The following IL10RB variants were observed in gnomAD, a reference collection of about 807,000 sequenced individuals.
The protein encoded by IL10RB is interleukin 10 receptor subunit beta.
IL10RB carries 30 observed loss-of-function variants against 38.7 expected under a neutral mutation model. The observed-to-expected ratio is 0.78, with a 90% CI of 0.58 to 1.05. IL10RB has a LOEUF of 1.05. Ranked by LOEUF, IL10RB falls within the 50% of genes least tolerant of loss-of-function variation. The pLI, the probability that IL10RB is intolerant of heterozygous loss-of-function variation, is 0.00. For missense variants in IL10RB, 328 were observed against 397.1 expected, an observed-to-expected ratio of 0.83 and a Z score of 1.48; for synonymous variants, 142 against 145.9, an observed-to-expected ratio of 0.97 and a Z score of 0.19.
intron 1 of IL10RB, among the ~76,000 whole-genome samples, chr21:33,305,102 T>C (rs2123615232): frequency 1.3e-5 from 2 of 152,238 alleles, no homozygotes; most frequent in Middle Eastern, 6.8e-3. Flanking sequence ...TGGTTCTAAG[T>C]CTTCAACTGT....
At chr21:33,278,727 T>C (rs1053101140) in intron 3 of IL10RB, among the ~76,000 whole-genome samples, 5 of 152,246 alleles carry the variant, frequency 3.3e-5, no homozygotes, top group Non-Finnish European at 7.3e-5. Context: ...CTATGTATTT[T>C]AGTGATAGGA....
intron 5 of IL10RB, among the ~76,000 whole-genome samples, chr21:33,286,054 C>G (rs377055520): frequency 7.9e-5 from 12 of 152,252 alleles, no homozygotes; most frequent in African/African-American, 2.9e-4. Flanking sequence ...AGATGGGAGG[C>G]CGCCTGCGGG....
chr21:33,282,031 G>T (rs898907684), intron 4 of IL10RB, among the ~76,000 whole-genome samples: 1 of 152,058 alleles, frequency 6.6e-6, no homozygotes, highest in Non-Finnish European at 1.5e-5. Context: ...GGTTTTAGAG[G>T]CACTGGACTT....
In IL10RB at chr21:33,276,723, G is replaced by T. The variant is rs745403526; in HGVS notation, c.301G>T (p.Val101Leu). ...ATTTGCAGATGAGCATTCAGACTGG[G>T]TAAACATCACCTTCTGTCCTGTGGA... ...AEFADEHSDW[V>L]NITFCPVDDT... The change falls in exon 3 of 7, where the codon GTA (valine) becomes TTA (leucine). Residue 101 changes from valine (V) to leucine (L), a missense_variant. Val to Leu is a conservative substitution (Grantham distance 32). Coordinates refer to ENST00000290200, the MANE Select transcript of IL10RB (RefSeq NM_000628.5). 18 of 1,614,074 alleles carry T rather than the reference G, an allele frequency of 1.1e-5. No homozygotes were observed. Among genetic ancestry groups the T allele is most frequent in the Non-Finnish European group, 1.5e-5 (18 of 1,179,948 alleles).
intron 1 of IL10RB, among the ~76,000 whole-genome samples, chr21:33,306,194 G>C (rs2082998541): frequency 6.6e-6 from 1 of 152,144 alleles, no homozygotes; most frequent in African/African-American, 2.4e-5. Flanking sequence ...GAGAAGAATG[G>C]ATCTGGAGAG....
chr21:33,266,599 G>C (rs1336259599), intron 1 of IL10RB, 85 bp downstream of exon 1: 27 of 1,393,010 alleles, frequency 1.9e-5, no homozygotes, highest in Non-Finnish European at 2.5e-5. Flanking sequence ...TGGGCGCCCT[G>C]CAAGTGACTT....
At chr21:33,270,384 CTTTT>C (rs796190557) in intron 2 of IL10RB, among the ~76,000 whole-genome samples, 2 of 142,574 alleles carry the variant, frequency 1.4e-5, no homozygotes, top group African/African-American at 2.6e-5. Context: ...GTTTGTTTTT[CTTTT>C]TTTTTTTTTT....
intron 4 of IL10RB, 27 bp downstream of exon 4, chr21:33,279,945 GGTA>G: frequency 6.2e-7 from 1 of 1,602,228 alleles, no homozygotes. Flanking sequence ...GCATTTCAGA[GGTA>G]GTAGGCTTTC....
chr21:33,306,745 C>G (rs1210906537), intron 1 of IL10RB, among the ~76,000 whole-genome samples: 1 of 152,060 alleles, frequency 6.6e-6, no homozygotes, highest in African/African-American at 2.4e-5. Context: ...CTTTGTTGCC[C>G]AGGCTGGTCT....
intron 1 of IL10RB, 33 bp downstream of exon 1, chr21:33,266,547 G>A (rs1416410879): frequency 6.5e-7 from 1 of 1,538,382 alleles, no homozygotes; most frequent in Admixed American, 2.0e-5. Context: ...GCGCGCTTGG[G>A]AACCGGGAGG....
rs1303733161 is a variant in IL10RB, at chr21:33,288,254, TG to T, written c.798del (p.Glu268SerfsTer28). On this transcript the variant is annotated frameshift_variant, in exon 6 of 7. Coordinates refer to ENST00000290200, the MANE Select transcript of IL10RB (RefSeq NM_000628.5). LOFTEE classifies it high-confidence loss of function. Reference sequence around the variant, plus strand: ...CCTAGGAATTCTCTTCCACAGCACCTGAAAGAGGTAGGTAGGATGGAGTGAG... The same window carrying T: ...CCTAGGAATTCTCTTCCACAGCACCTAAAGAGGTAGGTAGGATGGAGTGAG... ...FSPRNSLPQH[L>X]KEFLGHPHHN... 1 of 1,613,836 alleles carries T rather than the reference TG, an allele frequency of 6.2e-7. No homozygotes were observed. Among genetic ancestry groups the T allele is most frequent in the Non-Finnish European group, 8.5e-7 (1 of 1,179,750 alleles).
rs905697372 is a variant in IL10RB at position 33,276,512 on chromosome 21, C to G, written c.174-84C>G. 1.2e-5 allele frequency: 13 copies of G among 1,088,652 alleles called. No homozygotes were observed. The South Asian group carries it at 1.2e-4, about 10-fold the overall frequency. The allele number at this position is 1,088,652 out of a possible 1,614,324, so 67.4% of individuals were successfully genotyped here. On this transcript the variant is annotated intron_variant, in intron 2 of 6. Transcript: ENST00000290200. Reference sequence around the variant, plus strand: ...ACACAGTTTCCACTCCCGCGCCGCCCCCCCCTCCAAATTAAGTACCAGTCA... The same window carrying G: ...ACACAGTTTCCACTCCCGCGCCGCCGCCCCCTCCAAATTAAGTACCAGTCA...
At chr21:33,280,198 G>C (rs907614948) in intron 4 of IL10RB, among the ~76,000 whole-genome samples, 5 of 152,302 alleles carry the variant, frequency 3.3e-5, no homozygotes, top group Admixed American at 3.3e-4. Context: ...AGGGAACTTG[G>C]AGCTGGCTGA....
intron 5 of IL10RB, among the ~76,000 whole-genome samples, chr21:33,284,714 A>C (rs2843714): frequency 0.38 from 57,275 of 151,876 alleles, 11,638 homozygotes; most frequent in Non-Finnish European, 0.45. Context: ...TGACTTCCTG[A>C]GAGACCTGGC....
chr21:33,275,186 C>T (rs563780270), intron 2 of IL10RB, among the ~76,000 whole-genome samples: 7 of 136,138 alleles, frequency 5.1e-5, no homozygotes, highest in South Asian at 2.3e-4. Context: ...GATGGAGTCT[C>T]GCTCTGTTGC....
At chr21:33,288,682 A>C (rs8178529) in intron 6 of IL10RB, among the ~76,000 whole-genome samples, 62,552 of 151,888 alleles carry the variant, frequency 0.41, 13,158 homozygotes, top group Non-Finnish European at 0.45. Flanking sequence ...GAAAGAAAGG[A>C]ACATTTCCAG....
downstream of IL10RB, among the ~76,000 whole-genome samples, chr21:33,298,312 T>C (rs1434440133): frequency 6.6e-6 from 1 of 152,154 alleles, no homozygotes; most frequent in East Asian, 1.9e-4. Context: ...GTTTGCTGCA[T>C]GTATATAGAA....
intron 1 of IL10RB, among the ~76,000 whole-genome samples, chr21:33,307,459 T>TG (rs533799676): frequency 2.0e-4 from 30 of 152,320 alleles, no homozygotes; most frequent in African/African-American, 6.3e-4. Flanking sequence ...CCCTTTGTCT[T>TG]GCAGCTGCCC....
chr21:33,301,341 T>C (rs918755523), downstream of IL10RB, among the ~76,000 whole-genome samples: 2 of 152,240 alleles, frequency 1.3e-5, no homozygotes, highest in Non-Finnish European at 2.9e-5. Flanking sequence ...ATGTCTTTGT[T>C]TCCATGCCCA....
Sources: allele counts gnomAD v4.1 joint callset (sites outside exome capture counted in the v4.1 genomes callset), GRCh38; gene constraint gnomAD v4.1.1; transcripts MANE v1.5; gene names NCBI Gene and HGNC (gene_info 2026-07-23, HGNC 2026-07-21).